The following CAPZB variants were observed in gnomAD, a reference collection of about 807,000 sequenced individuals.
The protein encoded by CAPZB is capping actin protein of muscle Z-line subunit beta.
A neutral mutation model predicts 38.1 loss-of-function variants in CAPZB; 2 were observed. The observed-to-expected ratio is 0.05, with a 90% confidence interval of 0.02 to 0.17. The LOEUF is 0.17. Ranked by LOEUF, CAPZB falls within the 10% of genes least tolerant of loss-of-function variation. CAPZB has a pLI of 1.00. For synonymous variants in CAPZB, 107 were observed against 127.4 expected (o/e 0.84, Z 1.08); for missense variants, 161 against 334.2 (o/e 0.48, Z 4.04).
At chr1:19,359,843 C>T (rs1031452348) in intron 4 of CAPZB, among the ~76,000 whole-genome samples, 9 of 152,198 alleles carry the variant, frequency 5.9e-5, no homozygotes, top group Non-Finnish European at 8.8e-5. Context: ...TCCAGGAAAC[C>T]GGCCAACACT....
chr1:19,418,460 A>C (rs955110519), intron 2 of CAPZB, among the ~76,000 whole-genome samples: 7 of 152,016 alleles, frequency 4.6e-5, no homozygotes, highest in African/African-American at 1.7e-4. Flanking sequence ...GTCTGGCAGG[A>C]CCCTCTCTTT....
chr1:19,346,451 C>CT (rs1395384784), intron 6 of CAPZB, among the ~76,000 whole-genome samples: 11 of 44,864 alleles, frequency 2.5e-4, no homozygotes, highest in African/African-American at 1.1e-3. Context: ...GTGAGAGAAG[C>CT]TAAAAAAAAA....
At chr1:19,436,809 A>G (rs2094459666) in intron 1 of CAPZB, among the ~76,000 whole-genome samples, 1 of 152,274 alleles carries the variant, frequency 6.6e-6, no homozygotes, top group Non-Finnish European at 1.5e-5. Context: ...AACAGAAAAG[A>G]GGAAGAAACA....
intron 6 of CAPZB, among the ~76,000 whole-genome samples, chr1:19,346,227 T>C (rs561220278): frequency 6.6e-6 from 1 of 151,928 alleles, no homozygotes; most frequent in Admixed American, 6.6e-5. Context: ...ACTAATGTTG[T>C]TGAAATAAAA....
At position 19,339,511 on chromosome 1, in the gene CAPZB, G is replaced by C; in HGVS notation, c.*19C>G. The C allele has an allele frequency of 6.3e-7, 1 of 1,580,814 alleles. No homozygotes were observed. Among genetic ancestry groups the C allele is most frequent in the Non-Finnish European group, 8.7e-7 (1 of 1,149,510 alleles). On this transcript the variant is annotated 3_prime_UTR_variant, in exon 9 of 9. Transcript: ENST00000264202. ...ATCTAACGAGTGCACGGCGTGTCTGGTTAGCATGAAACAGAGGTTTAGCAT... is the reference window on the plus strand; with the variant it reads ...ATCTAACGAGTGCACGGCGTGTCTGCTTAGCATGAAACAGAGGTTTAGCAT...
At chr1:19,449,543 T>C (rs2094507577) in intron 1 of CAPZB, among the ~76,000 whole-genome samples, 1 of 152,066 alleles carries the variant, frequency 6.6e-6, no homozygotes, top group African/African-American at 2.4e-5. Flanking sequence ...ATCTCGGCAC[T>C]TTGGGAAGCT....
At position 19,392,793 on chromosome 1, in the gene CAPZB, G is replaced by GA. The variant is rs1226764532; in HGVS notation, c.94-7168dup. Among the ~76,000 whole-genome samples the GA allele has an allele frequency of 7.2e-5, 11 of 152,020 alleles. No homozygotes were observed. The East Asian group carries it at 2.1e-3, about 29-fold the overall frequency. ...GTGACAGAGTAAGAACCTGACTCAA[G>GA]AAAAAAAGTGTTTACTTATGTATAA... On this transcript the variant is annotated intron_variant, in intron 2 of 8. Coordinates refer to ENST00000264202, the MANE Select transcript of CAPZB (RefSeq NM_004930.5).
At chr1:19,409,133 GGTTCA>G (rs2094346360) in intron 2 of CAPZB, among the ~76,000 whole-genome samples, 1 of 152,028 alleles carries the variant, frequency 6.6e-6, no homozygotes, top group African/African-American at 2.4e-5. Context: ...TGGGATAACA[GGTTCA>G]GTTCTTTTTT....
At chr1:19,448,980 T>G in intron 1 of CAPZB, 2 of 1,601,184 alleles carry the variant, frequency 1.2e-6, no homozygotes, top group South Asian at 2.2e-5. Flanking sequence ...CAAGAGGAAG[T>G]GGAAACATGA....
chr1:19,482,348 A>G (rs1406993314), intron 1 of CAPZB, among the ~76,000 whole-genome samples: 2 of 152,250 alleles, frequency 1.3e-5, no homozygotes, highest in Non-Finnish European at 2.9e-5. Context: ...TATCCACATC[A>G]AGAGACATTA....
At chr1:19,473,795 C>A (rs756813773) in intron 1 of CAPZB, among the ~76,000 whole-genome samples, 3 of 152,026 alleles carry the variant, frequency 2.0e-5, no homozygotes, top group Non-Finnish European at 4.4e-5. Context: ...ACCCAGAAGG[C>A]GGAAGTTGCA....
intron 2 of CAPZB, among the ~76,000 whole-genome samples, chr1:19,388,393 A>G (rs543870107): frequency 1.3e-5 from 2 of 152,350 alleles, no homozygotes; most frequent in East Asian, 3.9e-4. Context: ...AAGGAAAGAA[A>G]GGAGGGAAAG....
At chr1:19,442,773 C>T (rs1020655586) in intron 1 of CAPZB, among the ~76,000 whole-genome samples, 11 of 152,120 alleles carry the variant, frequency 7.2e-5, no homozygotes, top group Non-Finnish European at 1.3e-4. Flanking sequence ...CCTTCCCTGG[C>T]TTCCTGTAAA....
intron 1 of CAPZB, among the ~76,000 whole-genome samples, chr1:19,426,720 A>G (rs1409413341): frequency 6.6e-6 from 1 of 152,208 alleles, no homozygotes; most frequent in Non-Finnish European, 1.5e-5. Flanking sequence ...TCTGACTGCA[A>G]TAGTATGAGA....
At chr1:19,372,386 G>GCC (rs1398994223) in intron 4 of CAPZB, among the ~76,000 whole-genome samples, 1 of 152,238 alleles carries the variant, frequency 6.6e-6, no homozygotes, top group Non-Finnish European at 1.5e-5. Context: ...GGCAGTGCCA[G>GCC]CCCTTTGGTC....
Position 19,357,321 on chromosome 1 carries a change from C to G in CAPZB, c.471+101G>C. The G allele has an allele frequency of 9.2e-7, 1 of 1,090,648 alleles. No homozygotes were observed. The highest frequency in any genetic ancestry group is 2.4e-5 in the East Asian group (1 of 41,892). 67.6% of individuals were successfully genotyped at this position (1,090,648 alleles called of 1,614,324 possible). The stretch of plus-strand genomic sequence containing the variant: ...TTCTCAGAATTAGGGGTTCAGAGAT[C>G]ACAGCATCCCCCTACTGCATCTGTT... On this transcript the variant is annotated intron_variant, in intron 5 of 8. Transcript: ENST00000264202. This position sits in a 1 kb window ranked among gnomAD's most constrained non-coding sequence, Gnocchi z 4.3.
intron 6 of CAPZB, among the ~76,000 whole-genome samples, chr1:19,349,390 G>A (rs969942652): frequency 1.4e-4 from 21 of 151,890 alleles, no homozygotes; most frequent in Non-Finnish European, 2.5e-4. Context: ...CCTCCTCCCC[G>A]GCTCCATGTG....
intron 2 of CAPZB, among the ~76,000 whole-genome samples, chr1:19,396,902 G>A (rs1171787847): frequency 6.6e-6 from 1 of 151,846 alleles, no homozygotes; most frequent in African/African-American, 2.4e-5. Flanking sequence ...GCAGTGAGCC[G>A]AGATGGCGCC....
intron 2 of CAPZB, among the ~76,000 whole-genome samples, chr1:19,414,983 T>C (rs1054294475): frequency 1.3e-5 from 2 of 152,244 alleles, no homozygotes; most frequent in Non-Finnish European, 1.5e-5. Context: ...AACTCTCTGA[T>C]GCTGGGAAGA....
Sources: gnomAD v4.1 joint callset for allele counts (sites outside exome capture counted in the v4.1 genomes callset) on GRCh38, gnomAD v4.1.1 for gene constraint, Gnocchi (gnomAD v3.1) non-coding constraint, MANE v1.5 for transcripts, NCBI Gene and HGNC (gene_info 2026-07-23, HGNC 2026-07-21) for gene names.